EBF2: variants seen among roughly 807,000 people sequenced by gnomAD.
The protein encoded by EBF2 is EBF transcription factor 2, also known as transcription factor COE2.
In EBF2, 21 loss-of-function variants were observed where a neutral mutation model predicts 72.8. The observed-to-expected ratio is 0.29, with a 90% CI of 0.20 to 0.42. The LOEUF is 0.42. EBF2 is among the 10% of genes least tolerant of loss of function. EBF2 has a pLI of 1.00. For synonymous variants in EBF2, 299 were observed against 274.2 expected (o/e 1.09, Z -0.89); for missense variants, 637 against 731.2 (o/e 0.87, Z 1.49).
intron 7 of EBF2, among the ~76,000 whole-genome samples, chr8:25,896,149 A>G (rs1260094274): frequency 6.6e-6 from 1 of 152,224 alleles, no homozygotes; most frequent in Non-Finnish European, 1.5e-5. Flanking sequence ...GTGTGGAATC[A>G]CCAAATGATC....
chr8:25,917,733 TC>T (rs1203707082), intron 6 of EBF2, among the ~76,000 whole-genome samples: 2 of 152,098 alleles, frequency 1.3e-5, no homozygotes, highest in African/African-American at 4.8e-5. Context: ...CCGTCCCATT[TC>T]CTCAGCACCC....
At position 25,858,406 on chromosome 8, in the gene EBF2, C is replaced by A; in HGVS notation, c.1441G>T (p.Gly481Cys). Residue 481 changes from glycine (G) to cysteine (C), a missense_variant, in exon 14 of 16, where the codon GGC (glycine) becomes TGC (cysteine). This residue lies in a region of EBF2 where 259 missense variants were observed against 268.1 expected (regional missense o/e 0.97). Coordinates refer to ENST00000520164, the MANE Select transcript of EBF2 (RefSeq NM_022659.4). ...NYSTSSNSMN[G>C]YSNVPMANLG... Reference sequence around the variant, plus strand: ...TTGGCCATGGGGACATTGCTGTAGCCATTCATACTGTTGCTGGAGGTACTG... The same window carrying A: ...TTGGCCATGGGGACATTGCTGTAGCAATTCATACTGTTGCTGGAGGTACTG... 1.9e-6 allele frequency: 3 copies of A among 1,614,124 alleles called. No homozygotes were observed. The highest frequency in any genetic ancestry group is 2.5e-6 in the Non-Finnish European group (3 of 1,180,026).
At chr8:25,905,735 G>T (rs1318744553) in intron 7 of EBF2, among the ~76,000 whole-genome samples, 1 of 152,108 alleles carries the variant, frequency 6.6e-6, no homozygotes, top group East Asian at 1.9e-4. Context: ...GAAAAGTTCT[G>T]GAATTAGATA....
chr8:26,015,004 A>G (rs1020313696), intron 6 of EBF2, among the ~76,000 whole-genome samples: 2 of 152,218 alleles, frequency 1.3e-5, no homozygotes, highest in African/African-American at 2.4e-5. Context: ...ATGTCAGGGT[A>G]AGATGCAAAT....
intron 6 of EBF2, among the ~76,000 whole-genome samples, chr8:25,945,754 G>T (rs1319950017): frequency 2.0e-5 from 3 of 151,982 alleles, no homozygotes; most frequent in East Asian, 3.9e-4. Flanking sequence ...AGGTGGTTCT[G>T]ATTCCAGCTC....
intron 10 of EBF2, among the ~76,000 whole-genome samples, chr8:25,867,704 G>T (rs746514438): frequency 2.6e-5 from 4 of 152,096 alleles, no homozygotes; most frequent in Non-Finnish European, 4.4e-5. Flanking sequence ...TAGATACCTG[G>T]CCTGAGATTC....
intron 15 of EBF2, among the ~76,000 whole-genome samples, chr8:25,846,737 T>C (rs1426723285): frequency 6.6e-6 from 1 of 152,060 alleles, no homozygotes; most frequent in African/African-American, 2.4e-5. Context: ...CTCAGAGAGA[T>C]ACCAAAGGGG....
chr8:25,987,475 C>T (rs932443733), intron 6 of EBF2, among the ~76,000 whole-genome samples: 2 of 152,112 alleles, frequency 1.3e-5, no homozygotes, highest in African/African-American at 2.4e-5. Context: ...AAGTCATTTA[C>T]ACCTTCAAAA....
chr8:25,910,286 T>C (rs11783374), intron 6 of EBF2, among the ~76,000 whole-genome samples: 74,918 of 151,628 alleles, frequency 0.49, 20,227 homozygotes, highest in East Asian at 0.84. Flanking sequence ...TCACAATGCT[T>C]GCAAATATTG....
At chr8:26,033,762 G>GA (rs34634701) in intron 5 of EBF2, among the ~76,000 whole-genome samples, 146,236 of 151,500 alleles carry the variant, frequency 0.97, 70,574 homozygotes, top group East Asian at 1. Context: ...AAAAGTTGAA[G>GA]AAAAAAAAAT....
chr8:25,920,071 G>T (rs1183483311), intron 6 of EBF2, among the ~76,000 whole-genome samples: 4 of 151,982 alleles, frequency 2.6e-5, no homozygotes, highest in Non-Finnish European at 4.4e-5. Context: ...TGTGTTTCTA[G>T]TAGTTTCTTG....
At chr8:25,949,497 A>G (rs1803823468) in intron 6 of EBF2, among the ~76,000 whole-genome samples, 2 of 152,216 alleles carry the variant, frequency 1.3e-5, no homozygotes, top group South Asian at 4.1e-4. Context: ...GTGCGCCCTG[A>G]TAAAACATCC....
chr8:25,942,078 T>C (rs547799800), intron 6 of EBF2, among the ~76,000 whole-genome samples: 4 of 152,058 alleles, frequency 2.6e-5, no homozygotes, highest in South Asian at 4.2e-4. Flanking sequence ...TGGGGGAAAA[T>C]TGTAAGAGGA....
At position 25,860,487 on chromosome 8, in the gene EBF2, C is replaced by CTT. The variant is rs57717365; in HGVS notation, c.1342+560_1342+561dup. Among the ~76,000 whole-genome samples, 1,025 of 139,480 alleles carry CTT rather than the reference C, an allele frequency of 7.3e-3. 17 individuals carry two copies. The highest frequency in any genetic ancestry group is 0.025 in the African/African-American group (940 of 38,052). The allele number at this position is 139,480 out of a possible 152,430, so 91.5% of individuals were successfully genotyped here. A position where few individuals can be genotyped will look rare whatever the true frequency, so the allele number is the denominator to read the frequency against. On this transcript the variant is annotated intron_variant, in intron 13 of 15. Coordinates refer to ENST00000520164, the MANE Select transcript of EBF2 (RefSeq NM_022659.4). ...CCTTCTAAATTGATAATACCCAATC[C>CTT]TTTTTTTTTTTTTTTTGAGACAGGT... is the stretch of plus-strand genomic sequence containing the variant.
chr8:26,035,182 G>A (rs985945172), intron 5 of EBF2, among the ~76,000 whole-genome samples: 43 of 147,808 alleles, frequency 2.9e-4, no homozygotes, highest in African/African-American at 1.0e-3. Context: ...TCCCTTTGTT[G>A]CTCAGGCTGG....
intron 10 of EBF2, among the ~76,000 whole-genome samples, chr8:25,880,717 C>G (rs559620503): frequency 6.6e-6 from 1 of 152,300 alleles, no homozygotes; most frequent in South Asian, 2.1e-4. Flanking sequence ...TAGCACCTTT[C>G]CTTCCCAGGT....
At chr8:25,942,554 A>G (rs1209842699) in intron 6 of EBF2, among the ~76,000 whole-genome samples, 1 of 152,200 alleles carries the variant, frequency 6.6e-6, no homozygotes, top group East Asian at 1.9e-4. Flanking sequence ...CTGCTGTCTT[A>G]GGTCACTGGG....
chr8:25,995,752 A>G (rs1804615443), intron 6 of EBF2, among the ~76,000 whole-genome samples: 1 of 152,142 alleles, frequency 6.6e-6, no homozygotes, highest in Admixed American at 6.5e-5. Flanking sequence ...CACAAAACTA[A>G]TAGTAGGCGA....
Position 25,861,067 on chromosome 8 carries a change from T to C in EBF2, c.1324A>G (p.Thr442Ala). Residue 442 changes from threonine (T) to alanine (A), a missense_variant, in exon 13 of 16, where the codon ACA (threonine) becomes GCA (alanine). Physicochemically the swap from Thr to Ala is moderately conservative, Grantham distance 58 (BLOSUM62 0). Coordinates refer to ENST00000520164, the MANE Select transcript of EBF2 (RefSeq NM_022659.4). ...GTGGTACCTTGATTATTTCCTTGTG[T>C]TGACTCTGAGATGCTGACCCCAAGC... is the stretch of plus-strand genomic sequence containing the variant. ...SQLGVSISESTQGNNQGYIRN... is the reference protein window; with the variant it reads ...SQLGVSISESAQGNNQGYIRN... 10 of 1,614,180 alleles carry C rather than the reference T, an allele frequency of 6.2e-6. No homozygotes were observed. Among genetic ancestry groups the C allele is most frequent in the Non-Finnish European group, 8.5e-6 (10 of 1,180,014 alleles).
Sources: gnomAD v4.1 joint callset for allele counts (sites outside exome capture counted in the v4.1 genomes callset) on GRCh38, gnomAD v4.1.1 for gene constraint, gnomAD v4.1.1 regional missense constraint, MANE v1.5 for transcripts, NCBI Gene and HGNC (gene_info 2026-07-23, HGNC 2026-07-21) for gene names.